C2CD2: variants seen among roughly 807,000 people sequenced by gnomAD.
C2CD2 encodes the protein C2 domain-containing protein 2.
A neutral mutation model predicts 74.3 loss-of-function variants in C2CD2; 43 were observed. That is an observed-to-expected ratio of 0.58 (90% confidence interval 0.45 to 0.75). The LOEUF is 0.75. Ranked by LOEUF, C2CD2 falls within the 30% of genes least tolerant of loss-of-function variation. The pLI is 0.00. For missense variants in C2CD2, 801 were observed against 916.3 expected (o/e 0.87, Z 1.63); for synonymous variants, 422 against 390.7 (o/e 1.08, Z -0.94).
intron 13 of C2CD2, among the ~76,000 whole-genome samples, chr21:41,898,497 T>C (rs576326680): frequency 4.6e-5 from 7 of 152,368 alleles, no homozygotes; most frequent in Admixed American, 3.9e-4. Context: ...TTAGGGCTAA[T>C]GGAAGCAATC....
Position 41,947,190 on chromosome 21 carries a change from T to C in C2CD2, c.280-4945A>G, listed in dbSNP as rs1227880127. ...CTTCTTTTTTGAGACGGAGTTTCAC[T>C]CTTGTTGCCCAGGCTGGAGTGCAAT... On this transcript the variant is annotated intron_variant, in intron 1 of 13. Coordinates refer to ENST00000380486, the MANE Select transcript of C2CD2 (RefSeq NM_015500.2). 1.0e-4 allele frequency among the ~76,000 whole-genome samples: 13 copies of C among 128,836 alleles called. No homozygotes were observed. In the Admixed American group the frequency reaches 1.1e-3, roughly 11 times the overall value. The allele number at this position is 128,836 out of a possible 152,430, so 84.5% of individuals were successfully genotyped here. A position where few individuals can be genotyped will look rare whatever the true frequency, so the allele number is the denominator to read the frequency against.
At position 41,897,290 on chromosome 21, in the gene C2CD2, C is replaced by T. The variant is rs142125019; in HGVS notation, c.1870+1763G>A. ...TTTCAGAAGGAATGAGGAGGGCGGA[C>T]GGGGGGTTGGGTTCTGCCAGGACAA... On this transcript the variant is annotated intron_variant, in intron 13 of 13. Transcript: ENST00000380486. Among the ~76,000 whole-genome samples, 985 of 152,200 alleles carry T rather than the reference C, an allele frequency of 6.5e-3. 10 individuals are homozygous for T. The highest frequency in any genetic ancestry group is 0.021 in the African/African-American group (870 of 41,514).
chr21:41,889,100 G>C lies in C2CD2; in HGVS notation c.*24C>G, dbSNP rs746346937. 2 of 1,582,952 alleles carry C rather than the reference G, an allele frequency of 1.3e-6. No individual in the cohort carries two copies. The highest frequency in any genetic ancestry group is 3.3e-5 in the Admixed American group (2 of 59,922). On this transcript the variant is annotated 3_prime_UTR_variant, in exon 14 of 14. Transcript: ENST00000380486. Reference sequence around the variant, plus strand: ...AGTTAACATGGGTGCACGTCTTCTGGCTTGGAGGTGATGACCTCAGGCCCT... The same window carrying C: ...AGTTAACATGGGTGCACGTCTTCTGCCTTGGAGGTGATGACCTCAGGCCCT...
intron 13 of C2CD2, chr21:41,894,980 C>T: frequency 4.4e-6 from 2 of 456,418 alleles, no homozygotes; most frequent in Non-Finnish European, 8.8e-6. Context: ...GCTGTGTCAA[C>T]CTGGCTGCAG....
chr21:41,944,235 G>A (rs369812875), intron 1 of C2CD2, among the ~76,000 whole-genome samples: 3 of 152,082 alleles, frequency 2.0e-5, no homozygotes, highest in East Asian at 1.9e-4. Flanking sequence ...GTTTGCAGCC[G>A]GGTGCCACGG....
At chr21:41,907,347 C>T (rs925350033) in intron 9 of C2CD2, among the ~76,000 whole-genome samples, 181 bp from the exon 10 acceptor site, 1 of 152,214 alleles carries the variant, frequency 6.6e-6, no homozygotes, top group Admixed American at 6.5e-5. Context: ...TTACGCACAG[C>T]CAGCTCAACA....
At chr21:41,896,728 A>C (rs1448492331) in intron 13 of C2CD2, among the ~76,000 whole-genome samples, 1 of 151,072 alleles carries the variant, frequency 6.6e-6, no homozygotes, top group Non-Finnish European at 1.5e-5. Context: ...AAAAAAAAAA[A>C]ACAAGCTTTA....
At chr21:41,936,180 C>A (rs565106) in intron 2 of C2CD2, among the ~76,000 whole-genome samples, 43,071 of 151,830 alleles carry the variant, frequency 0.28, 6,739 homozygotes, top group Non-Finnish European at 0.35. Context: ...GAATGGAATC[C>A]CATATTTACA....
chr21:41,909,806 A>C (rs1254264788), intron 7 of C2CD2, among the ~76,000 whole-genome samples: 3 of 152,146 alleles, frequency 2.0e-5, no homozygotes, highest in African/African-American at 7.2e-5. Context: ...GGAGCACTGG[A>C]GAGGTGGCCA....
At chr21:41,891,334 G>A (rs1573412) in intron 13 of C2CD2, among the ~76,000 whole-genome samples, 20,998 of 152,254 alleles carry the variant, frequency 0.14, 1,853 homozygotes, top group East Asian at 0.25. Context: ...CCTGAAAAAT[G>A]CAGCACATCG....
chr21:41,950,815 C>G (rs949369301), intron 1 of C2CD2, among the ~76,000 whole-genome samples: 20 of 152,268 alleles, frequency 1.3e-4, no homozygotes, highest in African/African-American at 4.3e-4. Flanking sequence ...GAGTTATTGT[C>G]TCAATTGGAC....
chr21:41,912,440 C>A lies in C2CD2; in HGVS notation c.845G>T (p.Gly282Val). The change falls in exon 7 of 14, where the codon GGC becomes GTC. Residue 282 changes from glycine (G) to valine (V), a missense_variant and splice_region_variant. Physicochemically the swap from Gly to Val is moderately radical, Grantham distance 109. Coordinates refer to ENST00000380486, the MANE Select transcript of C2CD2 (RefSeq NM_015500.2). ...VLLLSEPGASGHINAVCVVQL... is the reference protein window; with the variant it reads ...VLLLSEPGASVHINAVCVVQL... The stretch of plus-strand genomic sequence containing the variant: ...CACGACGCACACTGCATTAATGTGG[C>A]CTGTAATTAAATAGAAGGGCATCGT... The A allele has an allele frequency of 1.3e-6, 2 of 1,571,734 alleles. No individual in the cohort carries two copies. The highest frequency in any genetic ancestry group is 1.7e-6 in the Non-Finnish European group (2 of 1,156,492).
At chr21:41,915,469 C>G (rs1386291861) in intron 5 of C2CD2, among the ~76,000 whole-genome samples, 1 of 151,528 alleles carries the variant, frequency 6.6e-6, no homozygotes. Context: ...CAGAGTCTCG[C>G]TCTGTTGTCC....
In C2CD2 at chr21:41,899,221, C is replaced by A. The variant is rs1320250211; in HGVS notation, c.1702G>T (p.Ala568Ser). 2.5e-6 allele frequency: 4 copies of A among 1,612,126 alleles called. No individual in the cohort carries two copies. Among genetic ancestry groups the A allele is most frequent in the Non-Finnish European group, 1.7e-6 (2 of 1,179,456 alleles). The change falls in exon 13 of 14, where the codon GCA becomes TCA. Residue 568 changes from alanine to serine, a missense_variant. Physicochemically the swap from Ala to Ser is moderately conservative, Grantham distance 99. Coordinates refer to ENST00000380486, the MANE Select transcript of C2CD2 (RefSeq NM_015500.2). The surrounding 1 kb of genome is among the most constrained non-coding windows in gnomAD (Gnocchi z 4.4). Reference sequence around the variant, plus strand: ...TCCTGGGGCTTGGGGGCAAGGGATGCCTGGGCTGACTCGGCTTCCTCTGGC... The same window carrying A: ...TCCTGGGGCTTGGGGGCAAGGGATGACTGGGCTGACTCGGCTTCCTCTGGC... ...APPEEAESAQASLAPKPQEDE... is the reference protein window; with the variant it reads ...APPEEAESAQSSLAPKPQEDE...
intron 1 of C2CD2, among the ~76,000 whole-genome samples, chr21:41,951,821 C>T (rs146201932): frequency 3.9e-5 from 6 of 152,268 alleles, no homozygotes; most frequent in Non-Finnish European, 8.8e-5. Flanking sequence ...TGTCAGGAAA[C>T]GAACCATCCC....
chr21:41,948,944 G>A (rs9984348), intron 1 of C2CD2, among the ~76,000 whole-genome samples: 1 of 115,538 alleles, frequency 8.7e-6, no homozygotes, highest in African/African-American at 3.3e-5. Flanking sequence ...TTTGCAATTA[G>A]AACATACCTC....
At chr21:41,933,116 T>C (rs1017886850) in intron 2 of C2CD2, among the ~76,000 whole-genome samples, 1 of 148,796 alleles carries the variant, frequency 6.7e-6, no homozygotes, top group Admixed American at 6.7e-5. Flanking sequence ...CACATGTCCC[T>C]TGTCAAGGCT....
intron 13 of C2CD2, among the ~76,000 whole-genome samples, chr21:41,897,239 A>G (rs568915780): frequency 6.6e-6 from 1 of 152,340 alleles, no homozygotes; most frequent in African/African-American, 2.4e-5. Flanking sequence ...AGATCTTTAC[A>G]TGAACAGAGT....
At chr21:41,950,794 T>C (rs1403889197) in intron 1 of C2CD2, among the ~76,000 whole-genome samples, 5 of 152,122 alleles carry the variant, frequency 3.3e-5, no homozygotes, top group Non-Finnish European at 7.4e-5. Flanking sequence ...GGGTAAAACT[T>C]GGAATGGGAG....
Sources: allele counts gnomAD v4.1 joint callset (sites outside exome capture counted in the v4.1 genomes callset), GRCh38; gene constraint gnomAD v4.1.1; non-coding constraint Gnocchi (gnomAD v3.1); transcripts MANE v1.5; gene names NCBI Gene and HGNC (gene_info 2026-07-23, HGNC 2026-07-21).